GRIP1: variants seen among roughly 807,000 people sequenced by gnomAD.
GRIP1 encodes the protein glutamate receptor-interacting protein 1.
A neutral mutation model predicts 129.9 loss-of-function variants in GRIP1; 45 were observed. The ratio of observed to expected loss-of-function variants is 0.35; its 90% CI spans 0.27 to 0.44. GRIP1 has a LOEUF of 0.44. Ranked by LOEUF, GRIP1 falls within the 20% of genes least tolerant of loss-of-function variation. The pLI is 1.00. For missense variants in GRIP1, 1,196 were observed against 1,396.8 expected (o/e 0.86, Z 2.29); for synonymous variants, 530 against 520.8 (o/e 1.02, Z -0.24).
intron 1 of GRIP1, among the ~76,000 whole-genome samples, chr12:66,978,856 T>C (rs780522622): frequency 9.9e-5 from 15 of 152,180 alleles, no homozygotes; most frequent in Admixed American, 2.6e-4. Context: ...CCAAGTTCTT[T>C]CTTAAATTAC....
At chr12:66,592,405 T>C (rs1433952444) in intron 2 of GRIP1, among the ~76,000 whole-genome samples, 1 of 152,194 alleles carries the variant, frequency 6.6e-6, no homozygotes, top group Non-Finnish European at 1.5e-5. Context: ...ACCAAATTGA[T>C]AAGCATTTCT....
chr12:66,696,135 T>G (rs907603642), intron 1 of GRIP1, among the ~76,000 whole-genome samples: 11 of 149,146 alleles, frequency 7.4e-5, no homozygotes, highest in African/African-American at 2.7e-4. Flanking sequence ...CAAAACCCCA[T>G]TTTTTTTTTA....
chr12:66,615,636 A>T (rs941152707), intron 1 of GRIP1, among the ~76,000 whole-genome samples: 7 of 152,180 alleles, frequency 4.6e-5, no homozygotes, highest in African/African-American at 7.2e-5. Context: ...GCAAACTTTT[A>T]AAAAAATTTT....
chr12:66,535,135 A>C (rs920607360), intron 4 of GRIP1, among the ~76,000 whole-genome samples: 5 of 152,120 alleles, frequency 3.3e-5, no homozygotes, highest in Admixed American at 6.5e-5. Context: ...GGAAACGCCT[A>C]GCTCTGAATC....
chr12:66,994,609 C>G (rs575542761), intron 1 of GRIP1, among the ~76,000 whole-genome samples: 39 of 151,966 alleles, frequency 2.6e-4, no homozygotes, highest in African/African-American at 9.2e-4. Context: ...TACAGAGCCT[C>G]TAAAGGAAAT....
chr12:66,984,977 T>C lies in GRIP1; in HGVS notation c.58+84073A>G, dbSNP rs531368366. ...GTCAGCTGGGGTGGCTAAAAGACAG[T>C]GGGGAAAGGTGGTTCTATGCCTTAG... On this transcript the variant is annotated intron_variant, in intron 1 of 1. Transcript: ENST00000643019. Among the ~76,000 whole-genome samples the C allele has an allele frequency of 9.2e-5, 14 of 152,184 alleles. No individual in the cohort carries two copies. The East Asian group carries it at 2.7e-3, about 29-fold the overall frequency.
chr12:66,361,861 T>C (rs1213379752), intron 23 of GRIP1, among the ~76,000 whole-genome samples: 1 of 152,078 alleles, frequency 6.6e-6, no homozygotes, highest in Non-Finnish European at 1.5e-5. Context: ...CCTCCTTGAC[T>C]CAGGAACATC....
intron 1 of GRIP1, among the ~76,000 whole-genome samples, chr12:66,931,255 A>C (rs1310370748): frequency 6.6e-6 from 1 of 152,264 alleles, no homozygotes; most frequent in Non-Finnish European, 1.5e-5. Flanking sequence ...CCCGTGTCAC[A>C]GGGATGCCCT....
intron 1 of GRIP1, among the ~76,000 whole-genome samples, chr12:66,688,605 C>T (rs2034864360): frequency 6.6e-6 from 1 of 152,026 alleles, no homozygotes; most frequent in Admixed American, 6.6e-5. Flanking sequence ...GGTTTCTGCT[C>T]ATAATATCTT....
intron 4 of GRIP1, among the ~76,000 whole-genome samples, chr12:66,534,763 G>A (rs1044307427): frequency 6.6e-5 from 10 of 151,782 alleles, no homozygotes; most frequent in African/African-American, 1.9e-4. Context: ...GCATAATCTC[G>A]GCTCACCACA....
At chr12:66,391,729 T>C (rs1168534157) in intron 19 of GRIP1, among the ~76,000 whole-genome samples, 1 of 152,122 alleles carries the variant, frequency 6.6e-6, no homozygotes, top group Non-Finnish European at 1.5e-5. Context: ...TGTGTGCACA[T>C]AGTCTCAGCT....
At chr12:66,366,502 G>A (rs1019145780) in intron 23 of GRIP1, among the ~76,000 whole-genome samples, 1 of 152,186 alleles carries the variant, frequency 6.6e-6, no homozygotes, top group African/African-American at 2.4e-5. Context: ...GAGGTTACTT[G>A]TGAGTGACTG....
chr12:66,782,707 A>T (rs2038200758), intron 1 of GRIP1, among the ~76,000 whole-genome samples: 1 of 152,092 alleles, frequency 6.6e-6, no homozygotes, highest in Non-Finnish European at 1.5e-5. Flanking sequence ...AGAACCCAGT[A>T]CTCTTGACTC....
chr12:66,421,591 C>T (rs971187719), intron 14 of GRIP1, among the ~76,000 whole-genome samples: 57 of 151,130 alleles, frequency 3.8e-4, no homozygotes, highest in African/African-American at 1.3e-3. Context: ...ACAAGGAAAT[C>T]TTTTGCTAGA....
intron 7 of GRIP1, among the ~76,000 whole-genome samples, chr12:66,502,006 A>AT (rs1301287343): frequency 1.3e-5 from 2 of 152,192 alleles, no homozygotes; most frequent in Non-Finnish European, 2.9e-5. Flanking sequence ...TTAGATAGTG[A>AT]TTTTAGCTAT....
intron 7 of GRIP1, among the ~76,000 whole-genome samples, chr12:66,502,275 A>G (rs35924220): frequency 0.46 from 69,718 of 151,928 alleles, 16,266 homozygotes; most frequent in African/African-American, 0.53. Flanking sequence ...TACCTAAAAT[A>G]TAATCAATTT....
intron 1 of GRIP1, among the ~76,000 whole-genome samples, chr12:66,952,955 G>T (rs2041781381): frequency 6.6e-6 from 1 of 152,116 alleles, no homozygotes; most frequent in African/African-American, 2.4e-5. Flanking sequence ...TTAAAAATAT[G>T]CTATATAGCT....
intron 1 of GRIP1, among the ~76,000 whole-genome samples, chr12:67,002,031 GA>G (rs76427920): frequency 2.8e-3 from 426 of 149,974 alleles, no homozygotes; most frequent in East Asian, 0.013. Context: ...ATGGAAAAAG[GA>G]AAAAAAAATC....
chr12:66,407,588 T>G (rs796357536), intron 15 of GRIP1, among the ~76,000 whole-genome samples: 8 of 152,240 alleles, frequency 5.3e-5, no homozygotes, highest in African/African-American at 1.9e-4. Context: ...AGTGCTACCC[T>G]GTCACAGCGG....
Sources: gnomAD v4.1 joint callset for allele counts (sites outside exome capture counted in the v4.1 genomes callset) on GRCh38, gnomAD v4.1.1 for gene constraint, MANE v1.5 for transcripts, NCBI Gene and HGNC (gene_info 2026-07-23, HGNC 2026-07-21) for gene names.